Variants in CHRM3 observed in about 807,000 individuals in gnomAD.
CHRM3 encodes cholinergic receptor muscarinic 3, also known as muscarinic acetylcholine receptor M3.
Under a neutral mutation model 41.8 loss-of-function variants are expected in CHRM3, and 11 were observed. The observed-to-expected ratio is 0.26, with a 90% confidence interval of 0.17 to 0.44. The LOEUF (loss-of-function observed/expected upper bound fraction) is 0.44. Among genes scored for constraint, CHRM3 ranks in the 20% least tolerant of loss-of-function variants. The probability of loss-of-function intolerance (pLI) is 1.00; values close to 1 mark genes in which losing one functional copy is unlikely to be tolerated. For synonymous variants in CHRM3, 297 were observed against 301.4 expected (o/e 0.99, Z 0.15); for missense variants, 571 against 745.4 (o/e 0.77, Z 2.72).
intron 6 of CHRM3, among the ~76,000 whole-genome samples, chr1:239,881,581 C>T (rs747218306): frequency 4.6e-5 from 7 of 152,094 alleles, no homozygotes; most frequent in Non-Finnish European, 7.3e-5. Flanking sequence ...GAAAAACATC[C>T]GAATCTCCAG....
chr1:239,517,089 A>T (rs191167008), intron 2 of CHRM3, among the ~76,000 whole-genome samples: 106 of 152,302 alleles, frequency 7.0e-4, no homozygotes, highest in Middle Eastern at 3.4e-3. Flanking sequence ...CAATAAATGT[A>T]ATGTACTTGA....
chr1:239,906,447 T>C (rs769173692), intron 6 of CHRM3, among the ~76,000 whole-genome samples: 1 of 152,102 alleles, frequency 6.6e-6, no homozygotes, highest in African/African-American at 2.4e-5. Flanking sequence ...GCTGGCGGTG[T>C]GTGAATTCCT....
chr1:239,853,868 A>G (rs1674894497), intron 6 of CHRM3, among the ~76,000 whole-genome samples: 1 of 152,118 alleles, frequency 6.6e-6, no homozygotes, highest in Non-Finnish European at 1.5e-5. Context: ...CTTTGTTTCT[A>G]TCCTTTTCGT....
rs546285648 is a variant in CHRM3, at chr1:239,562,249, C to G, written c.-313+16500C>G. On this transcript the variant is annotated intron_variant, in intron 3 of 6. Coordinates refer to ENST00000676153, the MANE Select transcript of CHRM3 (RefSeq NM_001375978.1). ...GGGAGGCATGTGTTAGAGACAATAC[C>G]CAGTTATCTGTGTTTACACTTCAGT... 2.6e-5 allele frequency among the ~76,000 whole-genome samples: 4 copies of G among 152,074 alleles called. No individual in the cohort carries two copies. The South Asian group carries it at 8.3e-4, about 32-fold the overall frequency.
intron 3 of CHRM3, among the ~76,000 whole-genome samples, chr1:239,562,000 A>G (rs73120637): frequency 0.011 from 1,685 of 152,280 alleles, 47 homozygotes; most frequent in East Asian, 0.11. Context: ...CGGGAGGGCC[A>G]AGGTTGCTGC....
intron 1 of CHRM3, among the ~76,000 whole-genome samples, chr1:239,461,062 A>G (rs1160112733): frequency 2.0e-5 from 3 of 152,176 alleles, no homozygotes; most frequent in African/African-American, 7.2e-5. Flanking sequence ...CTAAGAGCCA[A>G]CATGACGGGG....
chr1:239,742,861 T>G (rs1009650281), intron 5 of CHRM3, among the ~76,000 whole-genome samples: 4 of 152,218 alleles, frequency 2.6e-5, no homozygotes, highest in African/African-American at 9.6e-5. Context: ...ATAGCTGAAA[T>G]GAAACCACAA....
intron 1 of CHRM3, among the ~76,000 whole-genome samples, chr1:239,465,149 G>C (rs59600015): frequency 7.9e-5 from 12 of 152,264 alleles, no homozygotes; most frequent in African/African-American, 2.9e-4. Context: ...TATTTAGACA[G>C]TGAGCAAATC....
At chr1:239,859,109 A>C (rs1027464560) in intron 6 of CHRM3, among the ~76,000 whole-genome samples, 12 of 152,236 alleles carry the variant, frequency 7.9e-5, no homozygotes, top group Admixed American at 7.9e-4. Flanking sequence ...GCATATACCT[A>C]GTAATGGAAT....
chr1:239,611,008 G>A (rs1029187258), intron 3 of CHRM3, among the ~76,000 whole-genome samples: 4 of 152,054 alleles, frequency 2.6e-5, no homozygotes, highest in African/African-American at 4.8e-5. Flanking sequence ...CCAAGATCGC[G>A]CCACTGCACT....
chr1:239,839,961 C>T (rs1673655273), intron 6 of CHRM3, among the ~76,000 whole-genome samples: 1 of 152,190 alleles, frequency 6.6e-6, no homozygotes, highest in Non-Finnish European at 1.5e-5. Context: ...GCATCCAGCC[C>T]AGGCCTCAGT....
intron 2 of CHRM3, among the ~76,000 whole-genome samples, chr1:239,496,668 G>T (rs1275254850): frequency 6.6e-6 from 1 of 151,836 alleles, no homozygotes; most frequent in Non-Finnish European, 1.5e-5. Flanking sequence ...CTCCAACATG[G>T]ATGATATATT....
At chr1:239,816,043 A>T (rs967721068) in intron 5 of CHRM3, among the ~76,000 whole-genome samples, 15 of 149,602 alleles carry the variant, frequency 1.0e-4, no homozygotes, top group Admixed American at 2.0e-4. Flanking sequence ...TCTGGGGGGG[A>T]AAAAAGAACA....
intron 6 of CHRM3, among the ~76,000 whole-genome samples, chr1:239,862,578 G>A (rs571077711): frequency 6.6e-6 from 1 of 152,296 alleles, no homozygotes; most frequent in East Asian, 1.9e-4. Flanking sequence ...AGATTTTCAG[G>A]TAGAGTGTGT....
At chr1:239,543,689 TG>T (rs1659010217) in intron 2 of CHRM3, among the ~76,000 whole-genome samples, 1 of 152,000 alleles carries the variant, frequency 6.6e-6, no homozygotes, top group Admixed American at 6.6e-5. Flanking sequence ...TTTGTATTTT[TG>T]GTAGAGACGG....
At chr1:239,842,754 G>A (rs931837925) in intron 6 of CHRM3, among the ~76,000 whole-genome samples, 2 of 152,008 alleles carry the variant, frequency 1.3e-5, no homozygotes, top group East Asian at 1.9e-4. Context: ...GCACACACAG[G>A]TACACACATT....
intron 3 of CHRM3, among the ~76,000 whole-genome samples, chr1:239,617,035 C>T (rs1558380805): frequency 6.6e-6 from 1 of 151,888 alleles, no homozygotes; most frequent in Non-Finnish European, 1.5e-5. Flanking sequence ...TCTTTCTGTA[C>T]TGATATAGAG....
chr1:239,447,435 A>G (rs927908325), intron 1 of CHRM3, among the ~76,000 whole-genome samples: 1 of 152,170 alleles, frequency 6.6e-6, no homozygotes, highest in Non-Finnish European at 1.5e-5. Flanking sequence ...AAAGTTCTGG[A>G]AGAAAATAAA....
At chr1:239,607,540 T>C (rs1458896567) in intron 3 of CHRM3, among the ~76,000 whole-genome samples, 3 of 152,136 alleles carry the variant, frequency 2.0e-5, no homozygotes, top group East Asian at 1.9e-4. Flanking sequence ...TAATTTGGAA[T>C]GTTTGCAAGT....
Sources: gnomAD v4.1 joint callset for allele counts (sites outside exome capture counted in the v4.1 genomes callset) on GRCh38, gnomAD v4.1.1 for gene constraint, MANE v1.5 for transcripts, NCBI Gene and HGNC (gene_info 2026-07-23, HGNC 2026-07-21) for gene names.